The following SPTLC1 variants were observed in gnomAD, a reference collection of about 807,000 sequenced individuals.
SPTLC1 encodes serine palmitoyltransferase 1.
In SPTLC1, 55 loss-of-function variants were observed where a neutral mutation model predicts 68.9. That is an observed-to-expected ratio of 0.80 (90% CI 0.64 to 1.00). SPTLC1 has a LOEUF of 1.00. Ranked by LOEUF, SPTLC1 falls within the 50% of genes least tolerant of loss-of-function variation. The pLI, the probability that SPTLC1 is intolerant of heterozygous loss-of-function variation, is 0.00. For synonymous variants in SPTLC1, 197 were observed against 201.6 expected, an observed-to-expected ratio of 0.98 and a Z score of 0.19; for missense variants, 449 against 573.1, an observed-to-expected ratio of 0.78 and a Z score of 2.21.
At chr9:92,045,524 T>TA (rs71362367) in intron 12 of SPTLC1, among the ~76,000 whole-genome samples, 1,979 of 31,548 alleles carry the variant, frequency 0.063, 300 homozygotes, top group East Asian at 0.1. Flanking sequence ...TCTTGTGTAG[T>TA]AAAAAAAAAA....
intron 3 of SPTLC1, among the ~76,000 whole-genome samples, chr9:92,106,904 T>C (rs541786631): frequency 6.6e-6 from 1 of 152,122 alleles, no homozygotes; most frequent in East Asian, 1.9e-4. Flanking sequence ...TGCATTCCTC[T>C]CCTCCTCTTT....
intron 3 of SPTLC1, among the ~76,000 whole-genome samples, chr9:92,101,455 C>T (rs1247188473): frequency 6.8e-6 from 1 of 147,246 alleles, no homozygotes; most frequent in Non-Finnish European, 1.5e-5. Context: ...CCAGCTACTC[C>T]GGAGGCTGAG....
intron 4 of SPTLC1, 125 bp from the exon 5 acceptor site, chr9:92,080,213 G>C: frequency 1.3e-6 from 1 of 760,932 alleles, no homozygotes. Flanking sequence ...ATATAAAGAA[G>C]AGACAGGTGT....
At chr9:92,108,959 T>C in intron 2 of SPTLC1, 125 bp from the exon 3 acceptor site, 3 of 1,419,292 alleles carry the variant, frequency 2.1e-6, no homozygotes, top group Non-Finnish European at 2.9e-6. Flanking sequence ...CTGTCACTCT[T>C]ATTCAAGCTT....
chr9:92,106,064 A>T lies in SPTLC1; in HGVS notation c.260+2676T>A, dbSNP rs548982763. On this transcript the variant is annotated intron_variant, in intron 3 of 14. Coordinates refer to ENST00000262554, the MANE Select transcript of SPTLC1 (RefSeq NM_006415.4). The stretch of plus-strand genomic sequence containing the variant: ...GCCCCCTCACCGTTTGTAAGGGAGG[A>T]GCGCCTCTGCCCAGCCCCTGCACCG... 3.4e-5 allele frequency among the ~76,000 whole-genome samples: 5 copies of T among 149,150 alleles called. No homozygotes were observed. The South Asian group carries it at 1.1e-3, about 32-fold the overall frequency.
At chr9:92,081,553 G>A (rs1834885993) in intron 3 of SPTLC1, among the ~76,000 whole-genome samples, 1 of 152,152 alleles carries the variant, frequency 6.6e-6, no homozygotes, top group Non-Finnish European at 1.5e-5. Context: ...AGCCCGGCTG[G>A]GACAGGAGAA....
intron 13 of SPTLC1, among the ~76,000 whole-genome samples, chr9:92,036,591 G>A (rs1204969187): frequency 6.6e-6 from 1 of 152,182 alleles, no homozygotes; most frequent in Non-Finnish European, 1.5e-5. Flanking sequence ...CAACACCAGC[G>A]CATGCAGCTC....
intron 3 of SPTLC1, among the ~76,000 whole-genome samples, chr9:92,100,440 T>C (rs1399088407): frequency 6.6e-6 from 1 of 152,234 alleles, no homozygotes; most frequent in African/African-American, 2.4e-5. Context: ...GGAAAGCAGC[T>C]ACTGCTGTCT....
intron 3 of SPTLC1, among the ~76,000 whole-genome samples, chr9:92,082,689 C>T (rs1047894054): frequency 6.6e-6 from 1 of 151,882 alleles, no homozygotes; most frequent in East Asian, 1.9e-4. Flanking sequence ...GAATAGTGCC[C>T]CAATAAACAT....
intron 5 of SPTLC1, chr9:92,079,692 T>C: frequency 1.2e-6 from 1 of 853,936 alleles, no homozygotes; most frequent in Non-Finnish European, 2.0e-6. Flanking sequence ...GGTTCCGCTC[T>C]CATCAGTGGA....
chr9:92,047,750 G>C, intron 9 of SPTLC1, 42 bp from the exon 10 acceptor site: 1 of 1,428,252 alleles, frequency 7.0e-7, no homozygotes, highest in Non-Finnish European at 9.8e-7. Context: ...ACAGTTTAAA[G>C]AAAAAAAAGG....
Position 92,031,977 on chromosome 9 carries a change from C to A in SPTLC1, c.*488G>T, listed in dbSNP as rs181586912. On this transcript the variant is annotated 3_prime_UTR_variant, in exon 15 of 15. Transcript: ENST00000262554. ...TTCACACAACGAAGACTGGAAAATA[C>A]GTGGTTTATTTAGATCTTCAATATA... is the stretch of plus-strand genomic sequence containing the variant. 55 of 285,564 alleles carry A rather than the reference C, an allele frequency of 1.9e-4. No individual in the cohort carries two copies. In the Admixed American group the frequency reaches 1.9e-3, roughly 10 times the overall value. 17.7% of individuals were successfully genotyped at this position (285,564 alleles called of 1,614,324 possible). A position where few individuals can be genotyped will look rare whatever the true frequency, so the allele number is the denominator to read the frequency against.
chr9:92,095,008 AGT>A (rs1284642499), intron 3 of SPTLC1, among the ~76,000 whole-genome samples: 1 of 152,234 alleles, frequency 6.6e-6, no homozygotes, highest in Admixed American at 6.5e-5. Context: ...AGGGAAAAAC[AGT>A]ATGTGTCTTA....
intron 6 of SPTLC1, 152 bp downstream of exon 6, chr9:92,067,814 C>T: frequency 1.2e-6 from 1 of 860,082 alleles, no homozygotes; most frequent in Non-Finnish European, 1.8e-6. Flanking sequence ...GAAGGTTTCA[C>T]AAATTTTGAA....
intron 6 of SPTLC1, among the ~76,000 whole-genome samples, chr9:92,061,299 G>C (rs1432125146): frequency 6.6e-6 from 1 of 152,086 alleles, no homozygotes; most frequent in Non-Finnish European, 1.5e-5. Context: ...TTTGAATGAC[G>C]GGAGATTTTT....
At chr9:92,115,132 C>CCG in intron 1 of SPTLC1, 182 bp downstream of exon 1, 2 of 618,706 alleles carry the variant, frequency 3.2e-6, no homozygotes, top group East Asian at 2.8e-5. Flanking sequence ...CGCCCCCGCC[C>CCG]GTTCCTCCCT....
At chr9:92,084,080 T>C (rs1431308203) in intron 3 of SPTLC1, among the ~76,000 whole-genome samples, 7 of 151,638 alleles carry the variant, frequency 4.6e-5, no homozygotes, top group African/African-American at 9.7e-5. Flanking sequence ...GTGATTTTTG[T>C]ACATTGATTT....
chr9:92,067,835 A>C, intron 6 of SPTLC1, 131 bp downstream of exon 6: 2 of 1,062,644 alleles, frequency 1.9e-6, no homozygotes, highest in Non-Finnish European at 2.8e-6. Context: ...ACCTTTGGTG[A>C]GGTGACTATT....
intron 8 of SPTLC1, among the ~76,000 whole-genome samples, chr9:92,052,184 A>G (rs1269731250): frequency 6.6e-6 from 1 of 152,232 alleles, no homozygotes; most frequent in African/African-American, 2.4e-5. Flanking sequence ...TCCTGATTTC[A>G]AAACTCACTA....
Sources: allele counts gnomAD v4.1 joint callset (sites outside exome capture counted in the v4.1 genomes callset), GRCh38; gene constraint gnomAD v4.1.1; transcripts MANE v1.5; gene names NCBI Gene and HGNC (gene_info 2026-07-23, HGNC 2026-07-21).